NTRK3: variants seen among roughly 807,000 people sequenced by gnomAD.
The protein encoded by NTRK3 is neurotrophic receptor tyrosine kinase 3.
Under a neutral mutation model 91.7 loss-of-function variants are expected in NTRK3, and 24 were observed. The ratio of observed to expected loss-of-function variants is 0.26; its 90% CI spans 0.19 to 0.37. NTRK3 has a LOEUF of 0.37. Ranked by LOEUF, NTRK3 falls within the 10% of genes least tolerant of loss-of-function variation. NTRK3 has a pLI of 1.00. For missense variants in NTRK3, 880 were observed against 1,068.9 expected (o/e 0.82, Z 2.46); for synonymous variants, 483 against 404.0 (o/e 1.20, Z -2.34).
chr15:88,095,475 T>G (rs1010479592), intron 13 of NTRK3, among the ~76,000 whole-genome samples: 58 of 152,332 alleles, frequency 3.8e-4, no homozygotes, highest in African/African-American at 1.3e-3. Context: ...ATGGCATTTT[T>G]GGGAAACCTG....
intron 14 of NTRK3, among the ~76,000 whole-genome samples, chr15:88,004,577 A>G (rs1596639091): frequency 6.6e-6 from 1 of 152,210 alleles, no homozygotes; most frequent in Admixed American, 6.5e-5. Flanking sequence ...TGGAAAAAAG[A>G]ACACATTGTC....
chr15:88,208,012 C>G (rs550944983), intron 3 of NTRK3, among the ~76,000 whole-genome samples: 52 of 152,146 alleles, frequency 3.4e-4, no homozygotes, highest in Non-Finnish European at 4.3e-4. Context: ...GCAAGTAAGG[C>G]TACTTGGTTT....
At chr15:88,225,504 G>T (rs931111832) in intron 3 of NTRK3, among the ~76,000 whole-genome samples, 2 of 152,284 alleles carry the variant, frequency 1.3e-5, no homozygotes, top group South Asian at 2.1e-4. Context: ...AAAGCAAGCT[G>T]CAGATGAATG....
chr15:87,897,364 A>G (rs908986324), intron 17 of NTRK3, among the ~76,000 whole-genome samples: 5 of 152,122 alleles, frequency 3.3e-5, no homozygotes, highest in African/African-American at 1.2e-4. Flanking sequence ...CAAGCAATGT[A>G]TTTTTTAATA....
chr15:87,907,268 C>T (rs2066826246), intron 17 of NTRK3, among the ~76,000 whole-genome samples: 1 of 152,130 alleles, frequency 6.6e-6, no homozygotes, highest in African/African-American at 2.4e-5. Context: ...TATAATGGTT[C>T]TGCTTGCAAA....
exon 19 of NTRK3, chr15:87,862,617 C>T (rs2064557632): frequency 4.4e-6 from 1 of 227,868 alleles, no homozygotes. Flanking sequence ...AATGATGACT[C>T]TAAGATGATA....
intron 14 of NTRK3, among the ~76,000 whole-genome samples, chr15:88,005,249 G>A (rs943655313): frequency 6.6e-6 from 1 of 152,118 alleles, no homozygotes; most frequent in Non-Finnish European, 1.5e-5. Flanking sequence ...TCCTGAGTAG[G>A]AGCCAGATGC....
At chr15:87,947,654 C>CAGGAGGG (rs1337375566) in intron 14 of NTRK3, among the ~76,000 whole-genome samples, 15 of 151,700 alleles carry the variant, frequency 9.9e-5, no homozygotes, top group Non-Finnish European at 2.1e-4. Flanking sequence ...TGACTACACG[C>CAGGAGGG]AGGAGGGAGG....
At position 88,205,458 on chromosome 15, in the gene NTRK3, C is replaced by G. The variant is rs375303397; in HGVS notation, c.249-21159G>C. Among the ~76,000 whole-genome samples, 58 of 152,292 alleles carry G rather than the reference C, an allele frequency of 3.8e-4. No homozygotes were observed. The East Asian group carries it at 9.8e-3, about 26-fold the overall frequency. On this transcript the variant is annotated intron_variant, in intron 3 of 18. Coordinates refer to ENST00000394480, the Ensembl canonical transcript of NTRK3. The stretch of plus-strand genomic sequence containing the variant: ...GAGCCCAGCATGGCAGCGATGCTTA[C>G]GTGAAATCACACTTATTACATGATC...
At chr15:88,022,299 G>A (rs188684939) in intron 14 of NTRK3, among the ~76,000 whole-genome samples, 1 of 152,226 alleles carries the variant, frequency 6.6e-6, no homozygotes, top group Admixed American at 6.5e-5. Flanking sequence ...GTTCAAGACA[G>A]GAGAAGCACC....
At chr15:87,966,075 C>CAAAA (rs373073411) in intron 14 of NTRK3, among the ~76,000 whole-genome samples, 3,751 of 77,474 alleles carry the variant, frequency 0.048, 164 homozygotes, top group African/African-American at 0.2. Flanking sequence ...AAAACTGTCT[C>CAAAA]AAACAAACAA....
At chr15:87,988,967 G>A (rs1262170426) in intron 14 of NTRK3, among the ~76,000 whole-genome samples, 1 of 151,788 alleles carries the variant, frequency 6.6e-6, no homozygotes, top group Non-Finnish European at 1.5e-5. Context: ...ACCCAGGCTG[G>A]GGTGCAGTGG....
chr15:87,991,124 C>T (rs2075256395), intron 14 of NTRK3, among the ~76,000 whole-genome samples: 1 of 152,170 alleles, frequency 6.6e-6, no homozygotes. Context: ...CCCCATGACA[C>T]CTAGAGTACT....
intron 17 of NTRK3, chr15:87,916,543 T>G: frequency 1.4e-6 from 1 of 702,348 alleles, no homozygotes; most frequent in Non-Finnish European, 2.6e-6. Context: ...CCAGTATCAG[T>G]CCTCATGCCT....
At chr15:87,872,046 A>G (rs2064837479) in exon 19 of NTRK3, 1 of 221,814 alleles carries the variant, frequency 4.5e-6, no homozygotes, top group Non-Finnish European at 9.0e-6. Context: ...TTCAGCACCC[A>G]AGCCCGGAAC....
At chr15:88,094,558 G>A (rs2049387591) in intron 13 of NTRK3, among the ~76,000 whole-genome samples, 1 of 149,124 alleles carries the variant, frequency 6.7e-6, no homozygotes, top group Admixed American at 6.7e-5. Flanking sequence ...CCACCCTCCA[G>A]AGACAGCTGA....
At position 88,255,871 on chromosome 15, in the gene NTRK3, G is replaced by A. The variant is rs1256950136; in HGVS notation, c.248+35C>T. ...GGGCAGGAGGGAGACGCAGAGCGCG[G>A]GGGAGGCAGGCTGGGGAGCGGCCGC... On this transcript the variant is annotated intron_variant, in intron 3 of 18. Coordinates refer to ENST00000394480, the Ensembl canonical transcript of NTRK3. This position sits in a 1 kb window ranked among gnomAD's most constrained non-coding sequence, Gnocchi z 4.3. 5 of 1,584,394 alleles carry A rather than the reference G, an allele frequency of 3.2e-6. No individual in the cohort carries two copies. The South Asian group carries it at 5.7e-5, about 18-fold the overall frequency.
chr15:88,001,041 C>A (rs967746576), intron 14 of NTRK3, among the ~76,000 whole-genome samples: 1 of 152,158 alleles, frequency 6.6e-6, no homozygotes, highest in Non-Finnish European at 1.5e-5. Flanking sequence ...TTATTGTAAC[C>A]ATTCCAGTGG....
chr15:88,102,311 A>G (rs2050256559), intron 13 of NTRK3, among the ~76,000 whole-genome samples: 2 of 152,196 alleles, frequency 1.3e-5, no homozygotes, highest in South Asian at 4.1e-4. Context: ...TTTTTGGTAT[A>G]TTTAGTTATA....
Sources: allele counts gnomAD v4.1 joint callset (sites outside exome capture counted in the v4.1 genomes callset), GRCh38; gene constraint gnomAD v4.1.1; non-coding constraint Gnocchi (gnomAD v3.1); transcripts MANE v1.5; gene names NCBI Gene and HGNC (gene_info 2026-07-23, HGNC 2026-07-21).